TMEM131: variants seen among roughly 807,000 people sequenced by gnomAD.
TMEM131 encodes transmembrane protein 131.
Under a neutral mutation model 211.6 loss-of-function variants are expected in TMEM131, and 66 were observed. That is an observed-to-expected ratio of 0.31 (90% confidence interval 0.26 to 0.38). TMEM131 has a LOEUF of 0.38. Ranked by LOEUF, TMEM131 falls within the 10% of genes least tolerant of loss-of-function variation. The pLI is 1.00. For synonymous variants in TMEM131, 844 were observed against 841.3 expected, an observed-to-expected ratio of 1.00 and a Z score of -0.06; for missense variants, 2,036 against 2,299.3, an observed-to-expected ratio of 0.89 and a Z score of 2.34.
At chr2:97,918,033 G>A (rs559209507) in intron 2 of TMEM131, among the ~76,000 whole-genome samples, 33 of 150,972 alleles carry the variant, frequency 2.2e-4, no homozygotes, top group Middle Eastern at 6.9e-3. Flanking sequence ...TACAACCTCC[G>A]CCTCCCGGGT....
intron 1 of TMEM131, among the ~76,000 whole-genome samples, chr2:97,971,069 T>C (rs988530295): frequency 6.6e-6 from 1 of 152,206 alleles, no homozygotes; most frequent in Admixed American, 6.5e-5. Flanking sequence ...TATTTAAACA[T>C]ATGAAGAAGA....
chr2:97,781,911 C>G (rs1452868116), intron 31 of TMEM131, among the ~76,000 whole-genome samples: 2 of 152,196 alleles, frequency 1.3e-5, no homozygotes, highest in African/African-American at 4.8e-5. Context: ...GGCTCCAGGC[C>G]AACACCACGG....
intron 31 of TMEM131, among the ~76,000 whole-genome samples, chr2:97,781,407 T>C (rs1455081128): frequency 6.6e-6 from 1 of 152,220 alleles, no homozygotes; most frequent in Non-Finnish European, 1.5e-5. Context: ...TATCAATAAG[T>C]AGACTGTAAT....
chr2:97,800,167 T>G (rs1259350293), intron 25 of TMEM131, among the ~76,000 whole-genome samples: 2 of 152,198 alleles, frequency 1.3e-5, no homozygotes, highest in Non-Finnish European at 2.9e-5. Flanking sequence ...GGGTCCTTAA[T>G]AATTTTAAGA....
chr2:97,783,964 G>C (rs1055453175), intron 31 of TMEM131, among the ~76,000 whole-genome samples: 3 of 151,770 alleles, frequency 2.0e-5, no homozygotes, highest in African/African-American at 7.3e-5. Flanking sequence ...ATTAATACTA[G>C]ATGAACTTGA....
intron 4 of TMEM131, among the ~76,000 whole-genome samples, chr2:97,861,636 G>A (rs2105185386): frequency 6.6e-6 from 1 of 151,930 alleles, no homozygotes; most frequent in Non-Finnish European, 1.5e-5. Flanking sequence ...TCTTCTGCCT[G>A]TGGAAAGGGG....
chr2:97,856,855 G>T (rs933347683), intron 5 of TMEM131, among the ~76,000 whole-genome samples: 3 of 152,174 alleles, frequency 2.0e-5, no homozygotes, highest in Non-Finnish European at 4.4e-5. Context: ...AGGATAAGAG[G>T]AGAGAGTAAA....
intron 1 of TMEM131, among the ~76,000 whole-genome samples, chr2:97,933,479 G>C (rs2104463132): frequency 6.6e-6 from 1 of 152,296 alleles, no homozygotes; most frequent in South Asian, 2.1e-4. Context: ...AGGGGGAAGT[G>C]AGGAGTTGTG....
intron 9 of TMEM131, 25 bp downstream of exon 9, chr2:97,834,750 T>C (rs1682863468): frequency 6.2e-7 from 1 of 1,609,160 alleles, no homozygotes; most frequent in South Asian, 1.1e-5. Flanking sequence ...AAAACAACTT[T>C]CGATTTCATC....
intron 1 of TMEM131, among the ~76,000 whole-genome samples, chr2:97,991,931 T>C (rs1019755412): frequency 2.0e-5 from 3 of 152,150 alleles, no homozygotes; most frequent in Admixed American, 6.5e-5. Flanking sequence ...CTGTAAGAAT[T>C]AGAAGGAGGA....
intron 1 of TMEM131, among the ~76,000 whole-genome samples, chr2:97,982,164 A>T (rs1276363844): frequency 6.6e-6 from 1 of 152,170 alleles, no homozygotes; most frequent in African/African-American, 2.4e-5. Flanking sequence ...AGACATTCCA[A>T]TGTCTCCGCA....
At chr2:97,781,823 T>A (rs1680018198) in intron 31 of TMEM131, among the ~76,000 whole-genome samples, 1 of 152,064 alleles carries the variant, frequency 6.6e-6, no homozygotes, top group African/African-American at 2.4e-5. Context: ...GAAACACCAA[T>A]GTGCACAAAT....
chr2:97,953,601 T>C (rs1335140205), intron 1 of TMEM131, among the ~76,000 whole-genome samples: 1 of 152,044 alleles, frequency 6.6e-6, no homozygotes, highest in African/African-American at 2.4e-5. Flanking sequence ...CAGCAACTGG[T>C]AGAACTAAAA....
chr2:97,987,889 A>G (rs1464587160), intron 1 of TMEM131, among the ~76,000 whole-genome samples: 3 of 152,232 alleles, frequency 2.0e-5, no homozygotes, highest in Non-Finnish European at 4.4e-5. Flanking sequence ...ATACTACCCA[A>G]TGTGATCTAT....
chr2:97,786,915 A>C (rs1297942242), intron 31 of TMEM131, among the ~76,000 whole-genome samples: 1 of 152,004 alleles, frequency 6.6e-6, no homozygotes, highest in Non-Finnish European at 1.5e-5. Flanking sequence ...TTCCAGATGA[A>C]CTCCTATGCC....
intron 5 of TMEM131, among the ~76,000 whole-genome samples, chr2:97,852,873 A>G (rs1412822087): frequency 6.6e-6 from 1 of 152,246 alleles, no homozygotes; most frequent in Non-Finnish European, 1.5e-5. Context: ...CTCATCTGCC[A>G]TTCTGAAAAT....
intron 1 of TMEM131, among the ~76,000 whole-genome samples, chr2:97,940,500 C>T (rs942348626): frequency 3.9e-5 from 6 of 152,138 alleles, no homozygotes; most frequent in African/African-American, 7.2e-5. Flanking sequence ...CAAACCACTG[C>T]TCAGTGAAAT....
chr2:97,943,385 T>C (rs1205615147), intron 1 of TMEM131, among the ~76,000 whole-genome samples: 4 of 152,240 alleles, frequency 2.6e-5, no homozygotes, highest in African/African-American at 7.2e-5. Flanking sequence ...GATGTTCTTA[T>C]GAATGTGGAT....
intron 2 of TMEM131, among the ~76,000 whole-genome samples, chr2:97,924,036 C>T (rs890073485): frequency 2.6e-5 from 4 of 151,892 alleles, no homozygotes; most frequent in Admixed American, 6.6e-5. Flanking sequence ...GCCGAGACTG[C>T]GCCACCGCGC....
Sources: allele counts gnomAD v4.1 joint callset (sites outside exome capture counted in the v4.1 genomes callset), GRCh38; gene constraint gnomAD v4.1.1; transcripts MANE v1.5; gene names NCBI Gene and HGNC (gene_info 2026-07-23, HGNC 2026-07-21).